Variants in ZNF395 observed in about 807,000 individuals in gnomAD.
ZNF395 encodes zinc finger protein 395, also known as HD gene regulatory region-binding protein 2.
ZNF395 carries 20 observed loss-of-function variants against 57.7 expected under a neutral mutation model. The ratio of observed to expected loss-of-function variants is 0.35; its 90% CI spans 0.24 to 0.50. ZNF395 has a LOEUF of 0.50. Ranked by LOEUF, ZNF395 falls within the 20% of genes least tolerant of loss-of-function variation. The probability of loss-of-function intolerance (pLI) is 0.97; values close to 1 mark genes in which losing one functional copy is unlikely to be tolerated. For missense variants in ZNF395, 606 were observed against 671.2 expected (o/e 0.90, Z 1.07); for synonymous variants, 295 against 275.9 (o/e 1.07, Z -0.69).
chr8:28,353,087 G>T, intron 5 of ZNF395, 86 bp downstream of exon 5: 1 of 1,320,930 alleles, frequency 7.6e-7, no homozygotes, highest in South Asian at 1.2e-5. Flanking sequence ...AGGGCCTGCA[G>T]GGTCCCCTGC....
intron 1 of ZNF395, among the ~76,000 whole-genome samples, chr8:28,377,744 C>T (rs937882974): frequency 6.7e-6 from 1 of 148,730 alleles, no homozygotes; most frequent in African/African-American, 2.5e-5. Context: ...GCATGATGAT[C>T]CCACTTTTTT....
At chr8:28,353,149 C>T (rs1204514175) in intron 5 of ZNF395, 24 bp downstream of exon 5, 2 of 1,610,404 alleles carry the variant, frequency 1.2e-6, no homozygotes, top group East Asian at 2.2e-5. Context: ...AGCCTGGGCT[C>T]CCACTCACAC....
chr8:28,353,550 A>G (rs1402910571), intron 4 of ZNF395, 142 bp from the exon 5 acceptor site: 19 of 628,002 alleles, frequency 3.0e-5, no homozygotes, highest in Non-Finnish European at 4.3e-5. Context: ...CCTCGCAGAC[A>G]TTTCCTACCA....
intron 1 of ZNF395, among the ~76,000 whole-genome samples, chr8:28,381,056 TG>T (rs2129997954): frequency 7.1e-6 from 1 of 140,530 alleles, no homozygotes; most frequent in African/African-American, 2.8e-5. Context: ...TGTGTGTGTG[TG>T]TTTTGACGGA....
At position 28,352,564 on chromosome 8, in the gene ZNF395, C is replaced by T. The variant is rs370505752; in HGVS notation, c.920+9G>A. 1.2e-5 allele frequency: 19 copies of T among 1,613,440 alleles called. No homozygotes were observed. Among genetic ancestry groups the T allele is most frequent in the Non-Finnish European group, 1.5e-5 (18 of 1,179,480 alleles). ...GACCCTAGGCTAGAGGCCCTGGGCT[C>T]GCACATACCCCAGATGGAGGGCTTT... On this transcript the variant is annotated intron_variant, in intron 6 of 9. Transcript: ENST00000344423. The surrounding 1 kb of genome is among the most constrained non-coding windows in gnomAD (Gnocchi z 4.0).
rs1053881785 is a variant in ZNF395 at position 28,346,261 on chromosome 8, CG to C, written c.*2457del. 6.6e-6 allele frequency: 1 copy of C among 152,134 alleles called. No homozygotes were observed. Among genetic ancestry groups the C allele is most frequent in the African/African-American group, 2.4e-5 (1 of 41,406 alleles). The allele number at this position is 152,134 out of a possible 1,614,324, so 9.4% of individuals were successfully genotyped here. ...CTTCCTTCCATCAGAGTCTGCTGCC[CG>C]GGTGGGCTGGGAAGGAGGGAGATAC... On this transcript the variant is annotated 3_prime_UTR_variant, in exon 10 of 10. Coordinates refer to ENST00000344423, the MANE Select transcript of ZNF395 (RefSeq NM_018660.3).
intron 1 of ZNF395, 134 bp from the exon 2 acceptor site, chr8:28,361,316 T>C (rs1235930630): frequency 5.3e-6 from 4 of 760,192 alleles, no homozygotes; most frequent in Non-Finnish European, 8.2e-6. Flanking sequence ...CCATTCCTAG[T>C]AGGACAATCG....
At chr8:28,360,590 G>C (rs549684876) in intron 2 of ZNF395, among the ~76,000 whole-genome samples, 1 of 152,380 alleles carries the variant, frequency 6.6e-6, no homozygotes, top group African/African-American at 2.4e-5. Context: ...CAGATTAAGA[G>C]AAACGTGGTT....
intron 1 of ZNF395, among the ~76,000 whole-genome samples, chr8:28,366,912 G>A (rs1486409630): frequency 6.6e-6 from 1 of 151,908 alleles, no homozygotes; most frequent in Non-Finnish European, 1.5e-5. Flanking sequence ...AGAAAGCCAG[G>A]GCCTTAGCAA....
intron 8 of ZNF395, among the ~76,000 whole-genome samples, 175 bp downstream of exon 8, chr8:28,349,889 G>A (rs958459388): frequency 6.6e-6 from 1 of 152,258 alleles, no homozygotes; most frequent in Non-Finnish European, 1.5e-5. Flanking sequence ...CAGATGGGGA[G>A]TGCCAGGGAG....
chr8:28,378,248 G>A (rs1481703011), intron 1 of ZNF395, among the ~76,000 whole-genome samples: 2 of 151,666 alleles, frequency 1.3e-5, no homozygotes, highest in Admixed American at 6.6e-5. Flanking sequence ...TTTTTGAGTC[G>A]AGGTCTCACT....
chr8:28,383,620 G>C (rs1012485553), intron 1 of ZNF395, among the ~76,000 whole-genome samples: 11 of 152,218 alleles, frequency 7.2e-5, no homozygotes, highest in South Asian at 4.2e-4. Flanking sequence ...GTTCAGAACC[G>C]AGCAATGTCA....
At position 28,347,807 on chromosome 8, in the gene ZNF395, T is replaced by C. The variant is rs1801625889; in HGVS notation, c.*912A>G. 6.6e-6 allele frequency: 1 copy of C among 152,178 alleles called. No individual in the cohort carries two copies. Among genetic ancestry groups the C allele is most frequent in the Non-Finnish European group, 1.5e-5 (1 of 68,034 alleles). The allele number at this position is 152,178 out of a possible 1,614,324, so 9.4% of individuals were successfully genotyped here. ...TCAGTAAAGGCTTCTGAATACATCG[T>C]AAAAGAAAACAAAGCATTTCTGAGG... On this transcript the variant is annotated 3_prime_UTR_variant, in exon 10 of 10. Transcript: ENST00000344423.
chr8:28,380,733 A>C (rs1802098615), intron 1 of ZNF395, among the ~76,000 whole-genome samples: 1 of 152,186 alleles, frequency 6.6e-6, no homozygotes, highest in Admixed American at 6.5e-5. Context: ...ACCACCATAT[A>C]AGACAGGAAA....
At chr8:28,385,702 C>T (rs888314482) in intron 1 of ZNF395, among the ~76,000 whole-genome samples, 1 of 148,436 alleles carries the variant, frequency 6.7e-6, no homozygotes, top group Non-Finnish European at 1.5e-5. Context: ...GAGGGGCAGG[C>T]GGGCCGGTCC....
At chr8:28,353,129 C>G (rs766339235) in intron 5 of ZNF395, 44 bp downstream of exon 5, 1 of 1,591,318 alleles carries the variant, frequency 6.3e-7, no homozygotes, top group Non-Finnish European at 8.6e-7. Flanking sequence ...ACACAGACAT[C>G]ATCCGCTCCA....
chr8:28,353,064 C>G (rs543541450), intron 5 of ZNF395, 109 bp downstream of exon 5: 1 of 1,033,908 alleles, frequency 9.7e-7, no homozygotes, highest in Non-Finnish European at 1.5e-6. Context: ...TGGGAGTGAA[C>G]CCAAGACTAT....
intron 1 of ZNF395, among the ~76,000 whole-genome samples, chr8:28,372,032 G>C (rs1238066333): frequency 6.6e-6 from 1 of 151,682 alleles, no homozygotes; most frequent in African/African-American, 2.4e-5. Flanking sequence ...GACAGAGTGA[G>C]ACCCTATCTC....
chr8:28,356,832 T>A lies in ZNF395; in HGVS notation c.474-53A>T. 1.4e-6 allele frequency: 2 copies of A among 1,450,800 alleles called. No homozygotes were observed. The highest frequency in any genetic ancestry group is 1.4e-5 in the African/African-American group (1 of 71,496). 89.9% of individuals were successfully genotyped at this position (1,450,800 alleles called of 1,614,324 possible). On this transcript the variant is annotated intron_variant, in intron 3 of 9. Coordinates refer to ENST00000344423, the MANE Select transcript of ZNF395 (RefSeq NM_018660.3). The surrounding 1 kb of genome is among the most constrained non-coding windows in gnomAD (Gnocchi z 4.0). ...GTTACTTCCTGGCATGGCGGGCCCA[T>A]GGTCCTTGCAAAACGAGACACCACT...
Sources: gnomAD v4.1 joint callset for allele counts (sites outside exome capture counted in the v4.1 genomes callset) on GRCh38, gnomAD v4.1.1 for gene constraint, Gnocchi (gnomAD v3.1) non-coding constraint, MANE v1.5 for transcripts, NCBI Gene and HGNC (gene_info 2026-07-23, HGNC 2026-07-21) for gene names.